MYO18B: variants seen among roughly 807,000 people sequenced by gnomAD.
MYO18B encodes the protein myosin XVIIIB, also known as unconventional myosin-XVIIIb.
A neutral mutation model predicts 273.0 loss-of-function variants in MYO18B; 204 were observed. That is an observed-to-expected ratio of 0.75 (90% CI 0.67 to 0.84). The LOEUF is 0.84. Ranked by LOEUF, MYO18B falls within the 40% of genes least tolerant of loss-of-function variation. The pLI is 0.00. For missense variants in MYO18B, 3,212 were observed against 3,287.6 expected (o/e 0.98, Z 0.56); for synonymous variants, 1,330 against 1,305.7 (o/e 1.02, Z -0.40).
chr22:25,882,460 A>G (rs695430), intron 25 of MYO18B, among the ~76,000 whole-genome samples: 91,417 of 151,668 alleles, frequency 0.6, 28,221 homozygotes, highest in East Asian at 0.87. Context: ...AAGGGGCACT[A>G]AGGCATTTAG....
intron 21 of MYO18B, among the ~76,000 whole-genome samples, chr22:25,858,620 A>G (rs1192406803): frequency 6.6e-6 from 1 of 152,156 alleles, no homozygotes; most frequent in Admixed American, 6.5e-5. Context: ...TCTAGGAAAC[A>G]ATGGAACTCT....
chr22:26,061,486 A>G, the MYO18B span, among the ~76,000 whole-genome samples: 2 of 151,856 alleles, frequency 1.3e-5, no homozygotes, highest in East Asian at 1.9e-4. Context: ...TTAGCTAAGG[A>G]GTCCTTGCTA....
intron 42 of MYO18B, among the ~76,000 whole-genome samples, chr22:26,005,285 C>T (rs990300914): frequency 1.3e-5 from 2 of 152,114 alleles, no homozygotes; most frequent in African/African-American, 4.8e-5. Context: ...TAAACATATT[C>T]ACTTAAGCTT....
At chr22:25,831,679 G>A (rs947951879) in intron 15 of MYO18B, among the ~76,000 whole-genome samples, 5 of 152,154 alleles carry the variant, frequency 3.3e-5, no homozygotes, top group Non-Finnish European at 2.9e-5. Flanking sequence ...CACAGCATCC[G>A]GCTTCTGGTG....
intron 37 of MYO18B, among the ~76,000 whole-genome samples, chr22:25,951,449 T>C (rs1199714416): frequency 6.6e-6 from 1 of 152,188 alleles, no homozygotes; most frequent in Non-Finnish European, 1.5e-5. Context: ...CCTGTGCTTG[T>C]GCTGAATCCA....
At chr22:25,962,507 A>G (rs1373355706) in intron 39 of MYO18B, among the ~76,000 whole-genome samples, 1 of 152,240 alleles carries the variant, frequency 6.6e-6, no homozygotes, top group Non-Finnish European at 1.5e-5. Context: ...AAAATTTTAA[A>G]TCAACCAACT....
intron 39 of MYO18B, among the ~76,000 whole-genome samples, chr22:25,957,912 CTTT>C (rs1330432024): frequency 2.3e-5 from 3 of 128,890 alleles, no homozygotes; most frequent in Non-Finnish European, 5.0e-5. Flanking sequence ...AACGCTTTTG[CTTT>C]TTTTTTTTTT....
In MYO18B at chr22:26,004,707, T is replaced by A; in HGVS notation, c.6333-11T>A. The A allele has an allele frequency of 1.2e-6, 2 of 1,613,404 alleles. No homozygotes were observed. The highest frequency in any genetic ancestry group is 1.1e-5 in the South Asian group (1 of 90,980). ...TCATTGTGCTGATGGTGTCCTGCAATCTTATTCTAGGGATAACGTCTCCAT... is the reference window on the plus strand; with the variant it reads ...TCATTGTGCTGATGGTGTCCTGCAAACTTATTCTAGGGATAACGTCTCCAT... On this transcript the variant is annotated splice_polypyrimidine_tract_variant and intron_variant, in intron 41 of 43. Coordinates refer to ENST00000335473, the MANE Select transcript of MYO18B (RefSeq NM_032608.7).
intron 11 of MYO18B, among the ~76,000 whole-genome samples, chr22:25,788,031 A>C (rs1414057795): frequency 6.6e-6 from 1 of 152,166 alleles, no homozygotes; most frequent in Non-Finnish European, 1.5e-5. Context: ...AGTCTGCATA[A>C]AGCCATTGGT....
At chr22:25,780,031 TG>T (rs778046756) in intron 8 of MYO18B, 24 bp from the exon 9 acceptor site, 65 of 1,558,294 alleles carry the variant, frequency 4.2e-5, no homozygotes, top group Non-Finnish European at 5.3e-5. Flanking sequence ...ATCAGTGACA[TG>T]TGGCCCCATG....
chr22:25,819,139 G>A (rs1048205925), intron 12 of MYO18B, among the ~76,000 whole-genome samples: 1 of 152,082 alleles, frequency 6.6e-6, no homozygotes, highest in Non-Finnish European at 1.5e-5. Context: ...GCCAGCCTTC[G>A]GGGAGCTGAT....
intron 34 of MYO18B, among the ~76,000 whole-genome samples, chr22:25,925,945 C>T (rs1212869373): frequency 6.7e-6 from 1 of 148,470 alleles, no homozygotes; most frequent in Non-Finnish European, 1.5e-5. Context: ...GTGACTCACA[C>T]CTGTAATCCC....
intron 39 of MYO18B, among the ~76,000 whole-genome samples, chr22:25,974,201 C>T (rs183501803): frequency 2.0e-5 from 3 of 152,246 alleles, no homozygotes; most frequent in East Asian, 1.9e-4. Context: ...CAATTAGACC[C>T]GCCAAATCTC....
chr22:25,897,910 A>T (rs2072003), intron 28 of MYO18B: 23,138 of 163,296 alleles, frequency 0.14, 2,157 homozygotes, highest in East Asian at 0.31. Flanking sequence ...TTTTCTAGGT[A>T]TGTCATTTTG....
chr22:25,837,957 T>G (rs1055682787), intron 17 of MYO18B, among the ~76,000 whole-genome samples: 1 of 152,148 alleles, frequency 6.6e-6, no homozygotes, highest in Non-Finnish European at 1.5e-5. Context: ...GGTGATTTAC[T>G]GCACAGATTG....
At chr22:26,038,937 A>G in the MYO18B span, among the ~76,000 whole-genome samples, 1 of 152,224 alleles carries the variant, frequency 6.6e-6, no homozygotes, top group Non-Finnish European at 1.5e-5. Flanking sequence ...AATTTGCATG[A>G]AAAAGCACTT....
chr22:25,861,770 C>T (rs11703975), intron 21 of MYO18B, among the ~76,000 whole-genome samples: 2 of 152,150 alleles, frequency 1.3e-5, no homozygotes, highest in Non-Finnish European at 2.9e-5. Flanking sequence ...CATTTGAACA[C>T]CCCTTCTAGT....
At chr22:26,055,270 C>T in the MYO18B span, among the ~76,000 whole-genome samples, 2 of 152,220 alleles carry the variant, frequency 1.3e-5, no homozygotes, top group African/African-American at 4.8e-5. Context: ...GCATGACAAC[C>T]TTCCCTTGTT....
chr22:25,968,390 A>G (rs2093001712), intron 39 of MYO18B, among the ~76,000 whole-genome samples: 17 of 152,144 alleles, frequency 1.1e-4, no homozygotes, highest in Admixed American at 1.0e-3. Context: ...AGGAGGAGAA[A>G]TGGTTTCCAA....
Sources: allele counts gnomAD v4.1 joint callset (sites outside exome capture counted in the v4.1 genomes callset), GRCh38; gene constraint gnomAD v4.1.1; transcripts MANE v1.5; gene names NCBI Gene and HGNC (gene_info 2026-07-23, HGNC 2026-07-21).